SV2C: variants seen among roughly 807,000 people sequenced by gnomAD.
SV2C encodes the protein solute carrier family 22 member B3.
Under a neutral mutation model 79.7 loss-of-function variants are expected in SV2C, and 49 were observed. The ratio of observed to expected loss-of-function variants is 0.61; its 90% CI spans 0.49 to 0.78. The LOEUF is 0.78. SV2C is among the 30% of genes least tolerant of loss of function. The probability of loss-of-function intolerance (pLI) is 0.00; values close to 1 mark genes in which losing one functional copy is unlikely to be tolerated. For missense variants in SV2C, 833 were observed against 912.9 expected (o/e 0.91, Z 1.13); for synonymous variants, 334 against 333.2 (o/e 1.00, Z -0.03).
chr5:76,294,880 C>T (rs2112511657), intron 8 of SV2C, among the ~76,000 whole-genome samples: 1 of 152,274 alleles, frequency 6.6e-6, no homozygotes, highest in African/African-American at 2.4e-5. Flanking sequence ...CCTCTAACTA[C>T]CTTGGGAACT....
intron 12 of SV2C, among the ~76,000 whole-genome samples, chr5:76,306,900 G>A (rs921941997): frequency 2.6e-5 from 4 of 152,172 alleles, no homozygotes; most frequent in Admixed American, 2.0e-4. Context: ...AGATAGATAA[G>A]ATCCAGTGTT....
chr5:76,288,920 C>T (rs1206397905), intron 6 of SV2C, among the ~76,000 whole-genome samples: 1 of 151,240 alleles, frequency 6.6e-6, no homozygotes, highest in African/African-American at 2.4e-5. Context: ...CGTTCTGTTG[C>T]CCAGGCTGGA....
the SV2C span, among the ~76,000 whole-genome samples, chr5:76,019,167 G>C: frequency 1.3e-5 from 2 of 152,048 alleles, no homozygotes; most frequent in Admixed American, 6.6e-5. Context: ...AGTACAGGAG[G>C]GAGAAAGAGA....
At chr5:76,164,612 A>G (rs897371775) in intron 2 of SV2C, among the ~76,000 whole-genome samples, 5 of 152,154 alleles carry the variant, frequency 3.3e-5, no homozygotes, top group South Asian at 2.1e-4. Flanking sequence ...GGCTTTTTCA[A>G]CTTAACACTG....
chr5:75,956,445 G>T, the SV2C span, among the ~76,000 whole-genome samples: 9 of 151,356 alleles, frequency 5.9e-5, no homozygotes, highest in South Asian at 1.3e-3. Context: ...TACCTAATGA[G>T]AGATGACGAG....
the SV2C span, among the ~76,000 whole-genome samples, chr5:75,863,201 C>T: frequency 6.6e-6 from 1 of 152,076 alleles, no homozygotes; most frequent in South Asian, 2.1e-4. Context: ...AAGGTGATGT[C>T]CCTGAACTTG....
chr5:76,099,066 T>G (rs1206861159), intron 1 of SV2C, among the ~76,000 whole-genome samples: 1 of 152,172 alleles, frequency 6.6e-6, no homozygotes, highest in Non-Finnish European at 1.5e-5. Context: ...CTTATTACCC[T>G]ATGAGTTGCT....
chr5:76,048,965 G>GAGAA, the SV2C span, among the ~76,000 whole-genome samples: 4,512 of 58,130 alleles, frequency 0.078, 243 homozygotes, highest in Middle Eastern at 0.1. Flanking sequence ...GAAAGAAAAA[G>GAGAA]AGAAAGAAAG....
At chr5:75,876,900 A>G in the SV2C span, among the ~76,000 whole-genome samples, 4 of 152,240 alleles carry the variant, frequency 2.6e-5, no homozygotes, top group East Asian at 5.8e-4. Context: ...AAAAAATGAC[A>G]TGAAACATAT....
the SV2C span, among the ~76,000 whole-genome samples, chr5:75,858,788 G>T: frequency 3.3e-5 from 5 of 152,038 alleles, no homozygotes; most frequent in African/African-American, 1.2e-4. Context: ...GCTTGTTATT[G>T]GTCTTTCAGG....
chr5:76,066,885 T>C, the SV2C span, among the ~76,000 whole-genome samples: 15 of 152,028 alleles, frequency 9.9e-5, no homozygotes, highest in African/African-American at 1.4e-4. Context: ...CCATAGTCAT[T>C]TGGAGTCTTA....
chr5:76,262,137 G>T (rs2112458680), intron 4 of SV2C, among the ~76,000 whole-genome samples: 1 of 152,252 alleles, frequency 6.6e-6, no homozygotes, highest in East Asian at 1.9e-4. Context: ...TCTATTCAGG[G>T]ATTCAATTTC....
intron 4 of SV2C, among the ~76,000 whole-genome samples, chr5:76,273,918 GC>G (rs1412257259): frequency 6.6e-6 from 1 of 152,192 alleles, no homozygotes; most frequent in African/African-American, 2.4e-5. Flanking sequence ...AACGGCCACA[GC>G]CCCAAGGGTC....
the SV2C span, among the ~76,000 whole-genome samples, chr5:76,057,968 G>T: frequency 6.6e-6 from 1 of 151,932 alleles, no homozygotes; most frequent in East Asian, 1.9e-4. Context: ...TACTTTATAG[G>T]GACTATGTAA....
the SV2C span, among the ~76,000 whole-genome samples, chr5:75,930,027 A>G: frequency 2.6e-5 from 4 of 152,214 alleles, no homozygotes; most frequent in South Asian, 4.1e-4. Context: ...GAAAAGAATG[A>G]AAGGAAAAGC....
At chr5:76,016,442 C>T in the SV2C span, among the ~76,000 whole-genome samples, 1 of 151,904 alleles carries the variant, frequency 6.6e-6, no homozygotes, top group East Asian at 1.9e-4. Flanking sequence ...GAATTGCTCC[C>T]CAAAGGGTCT....
chr5:75,942,179 A>G, the SV2C span, among the ~76,000 whole-genome samples: 1 of 152,226 alleles, frequency 6.6e-6, no homozygotes, highest in Non-Finnish European at 1.5e-5. Context: ...CGAAGCTCCT[A>G]TGTCTGGGAT....
At chr5:75,948,893 T>C in the SV2C span, among the ~76,000 whole-genome samples, 9,997 of 151,950 alleles carry the variant, frequency 0.066, 657 homozygotes, top group African/African-American at 0.16. Context: ...TTGAAGGCTT[T>C]GATTAGAACT....
chr5:76,350,602 C>A (rs1172803555), intron 12 of SV2C, among the ~76,000 whole-genome samples: 3 of 152,190 alleles, frequency 2.0e-5, no homozygotes, highest in Non-Finnish European at 4.4e-5. Flanking sequence ...TACTAAGGAA[C>A]TAAAATGAGC....
Sources: gnomAD v4.1 joint callset for allele counts (sites outside exome capture counted in the v4.1 genomes callset) on GRCh38, gnomAD v4.1.1 for gene constraint, MANE v1.5 for transcripts, NCBI Gene and HGNC (gene_info 2026-07-23, HGNC 2026-07-21) for gene names.